The following ERBIN variants were observed in gnomAD, a reference collection of about 807,000 sequenced individuals.
ERBIN encodes the protein densin-180-like protein.
A neutral mutation model predicts 158.4 loss-of-function variants in ERBIN; 60 were observed. That is an observed-to-expected ratio of 0.38 (90% CI 0.31 to 0.47). ERBIN has a LOEUF of 0.47. Among genes scored for constraint, ERBIN ranks in the 20% least tolerant of loss-of-function variants. ERBIN has a pLI of 0.99. For synonymous variants in ERBIN, 594 were observed against 557.2 expected (o/e 1.07, Z -0.93); for missense variants, 1,610 against 1,648.0 (o/e 0.98, Z 0.40).
chr5:65,963,552 C>A (rs987722894), intron 1 of ERBIN, among the ~76,000 whole-genome samples: 1 of 151,816 alleles, frequency 6.6e-6, no homozygotes, highest in South Asian at 2.1e-4. Flanking sequence ...GAGCTGAGAT[C>A]GTGCCATTGC....
intron 1 of ERBIN, among the ~76,000 whole-genome samples, chr5:65,945,130 G>A (rs915978071): frequency 6.6e-6 from 1 of 152,154 alleles, no homozygotes; most frequent in Non-Finnish European, 1.5e-5. Flanking sequence ...GAAGAATCGT[G>A]GAGTCATTTA....
intron 16 of ERBIN, 43 bp downstream of exon 16, chr5:66,043,241 T>C (rs201260460): frequency 2.5e-6 from 4 of 1,596,642 alleles, no homozygotes; most frequent in Middle Eastern, 1.7e-4. Flanking sequence ...ACAAGTCTGC[T>C]GATATTTAAG....
intron 1 of ERBIN, among the ~76,000 whole-genome samples, chr5:65,961,624 T>C (rs1287791534): frequency 1.3e-5 from 2 of 152,188 alleles, no homozygotes; most frequent in Non-Finnish European, 2.9e-5. Flanking sequence ...TTTGAGGGGG[T>C]TGGGAGTCTA....
At chr5:65,941,544 A>T in intron 1 of ERBIN, among the ~76,000 whole-genome samples, 1 of 152,114 alleles carries the variant, frequency 6.6e-6, no homozygotes, top group East Asian at 1.9e-4. Flanking sequence ...ATAGATACTG[A>T]GGGATGACTG....
At chr5:66,029,189 A>G (rs1374742671) in intron 14 of ERBIN, among the ~76,000 whole-genome samples, 1 of 152,220 alleles carries the variant, frequency 6.6e-6, no homozygotes, top group Admixed American at 6.5e-5. Flanking sequence ...TTGCTGGATT[A>G]TATGATAGTT....
chr5:65,955,410 A>G (rs1002049398), intron 1 of ERBIN, among the ~76,000 whole-genome samples: 1 of 152,174 alleles, frequency 6.6e-6, no homozygotes, highest in African/African-American at 2.4e-5. Context: ...TGTGCGGATC[A>G]CTTGAGGTCA....
At chr5:66,006,891 C>T (rs1417748208) in intron 4 of ERBIN, among the ~76,000 whole-genome samples, 1 of 151,112 alleles carries the variant, frequency 6.6e-6, no homozygotes, top group East Asian at 1.9e-4. Context: ...CAGGAAACAA[C>T]AGGTGCTGGA....
intron 1 of ERBIN, among the ~76,000 whole-genome samples, chr5:65,963,414 C>T (rs6898469): frequency 1.3e-5 from 2 of 151,870 alleles, no homozygotes; most frequent in African/African-American, 2.4e-5. Context: ...TGGCCAACAC[C>T]GTGAAACCCC....
intron 1 of ERBIN, among the ~76,000 whole-genome samples, chr5:65,931,069 C>T (rs1033604840): frequency 2.6e-5 from 4 of 152,106 alleles, no homozygotes; most frequent in African/African-American, 7.2e-5. Flanking sequence ...TCTAAAAATT[C>T]ACTTAATAAG....
At chr5:65,991,856 A>AG (rs1751901221) in intron 2 of ERBIN, among the ~76,000 whole-genome samples, 1 of 152,206 alleles carries the variant, frequency 6.6e-6, no homozygotes, top group Non-Finnish European at 1.5e-5. Context: ...TAAGTTCTTT[A>AG]GAAAAACTAT....
At chr5:66,069,817 G>C (rs1268107933) in intron 21 of ERBIN, among the ~76,000 whole-genome samples, 1 of 151,996 alleles carries the variant, frequency 6.6e-6, no homozygotes, top group African/African-American at 2.4e-5. Flanking sequence ...GCTTACTTCT[G>C]GGTCCTTTAC....
At chr5:66,016,933 C>T (rs917485697) in intron 7 of ERBIN, among the ~76,000 whole-genome samples, 6 of 151,836 alleles carry the variant, frequency 4.0e-5, no homozygotes, top group African/African-American at 1.5e-4. Context: ...TTTTTTAGCT[C>T]GCACATGTGA....
In ERBIN at chr5:66,025,968, G is replaced by A. The variant is rs771822188; in HGVS notation, c.1011G>A (p.Leu337=). The A allele has an allele frequency of 4.4e-6, 7 of 1,579,924 alleles. No homozygotes were observed. The highest frequency in any genetic ancestry group is 5.1e-6 in the Non-Finnish European group (6 of 1,167,566). The change falls in exon 12 of 26, where the codon TTG becomes TTA. Residue 337 remains leucine, a synonymous_variant. Coordinates refer to ENST00000284037, the MANE Select transcript of ERBIN (RefSeq NM_001253697.2). ...FAADHNYLQQ[L]PPEIGSWKNI... ...CTGATCATAATTACTTACAGCAGTT[G>A]CCCCCAGAGGTAATGTATTTTAGAT...
intron 21 of ERBIN, among the ~76,000 whole-genome samples, chr5:66,066,175 T>C (rs1474766879): frequency 6.6e-6 from 1 of 152,146 alleles, no homozygotes; most frequent in Non-Finnish European, 1.5e-5. Flanking sequence ...TCAGAATGTA[T>C]GGGCGTTAGA....
At chr5:65,989,629 G>T (rs1356583724) in intron 2 of ERBIN, among the ~76,000 whole-genome samples, 1 of 152,124 alleles carries the variant, frequency 6.6e-6, no homozygotes, top group Non-Finnish European at 1.5e-5. Context: ...ACAATTACTT[G>T]ACCCTATAAA....
intron 7 of ERBIN, among the ~76,000 whole-genome samples, chr5:66,019,066 C>T (rs417074): frequency 0.84 from 128,405 of 152,200 alleles, 54,775 homozygotes; most frequent in African/African-American, 0.91. Flanking sequence ...TTACTTAATT[C>T]GTTTATCAGT....
intron 25 of ERBIN, 91 bp from the exon 26 acceptor site, chr5:66,078,332 C>T: frequency 3.7e-6 from 3 of 800,680 alleles, no homozygotes; most frequent in Admixed American, 6.1e-5. Context: ...CAAAGTGATT[C>T]TTATTTTCTT....
At chr5:65,941,604 A>G (rs1489602630) in intron 1 of ERBIN, among the ~76,000 whole-genome samples, 2 of 151,594 alleles carry the variant, frequency 1.3e-5, no homozygotes, top group East Asian at 3.9e-4. Context: ...TTATTTAATT[A>G]TTGTAGTAGG....
At chr5:66,067,037 GCT>G (rs1253350037) in intron 21 of ERBIN, among the ~76,000 whole-genome samples, 1 of 152,150 alleles carries the variant, frequency 6.6e-6, no homozygotes, top group Non-Finnish European at 1.5e-5. Context: ...ACACATTAAA[GCT>G]CTCTGCACAG....
Sources: allele counts gnomAD v4.1 joint callset (sites outside exome capture counted in the v4.1 genomes callset), GRCh38; gene constraint gnomAD v4.1.1; transcripts MANE v1.5; gene names NCBI Gene and HGNC (gene_info 2026-07-23, HGNC 2026-07-21).